CD80: variants seen among roughly 807,000 people sequenced by gnomAD.
CD80 encodes CD80 molecule, also known as T-lymphocyte activation antigen CD80.
A neutral mutation model predicts 27.1 loss-of-function variants in CD80; 13 were observed. That is an observed-to-expected ratio of 0.48 (90% CI 0.31 to 0.76). CD80 has a LOEUF of 0.76. CD80 is among the 30% of genes least tolerant of loss of function. The pLI is 0.04. For synonymous variants in CD80, 125 were observed against 125.5 expected (o/e 1.00, Z 0.03); for missense variants, 277 against 347.9 (o/e 0.80, Z 1.62).
chr3:119,540,507 CACTT>C (rs1001875530), intron 3 of CD80, among the ~76,000 whole-genome samples: 4 of 152,056 alleles, frequency 2.6e-5, no homozygotes, highest in African/African-American at 9.7e-5. Flanking sequence ...GTTCCTGAGC[CACTT>C]TTAGTTGGCA....
intron 3 of CD80, among the ~76,000 whole-genome samples, chr3:119,543,201 A>C (rs912254442): frequency 2.0e-5 from 3 of 152,214 alleles, no homozygotes; most frequent in Admixed American, 6.5e-5. Flanking sequence ...CTCTATTGCA[A>C]TTCCCCTGTC....
chr3:119,557,369 T>A (rs1192743569), intron 2 of CD80, among the ~76,000 whole-genome samples: 2 of 152,184 alleles, frequency 1.3e-5, no homozygotes, highest in Non-Finnish European at 2.9e-5. Context: ...TATGGTTTTG[T>A]TAAAATAACA....
Position 119,527,850 on chromosome 3 carries a change from C to G in CD80, c.797-9G>C. On this transcript the variant is annotated splice_polypyrimidine_tract_variant and intron_variant, in intron 5 of 6. Coordinates refer to ENST00000264246, the MANE Select transcript of CD80 (RefSeq NM_005191.4). ...GCATCTTGGGGCAAAGCCTTGGAGA[C>G]AAGAACAAACAATAAAAATGATAAG... 1 of 1,608,374 alleles carries G rather than the reference C, an allele frequency of 6.2e-7. No individual in the cohort carries two copies. The highest frequency in any genetic ancestry group is 8.5e-7 in the Non-Finnish European group (1 of 1,174,908).
chr3:119,545,269 A>G (rs2082195304), intron 2 of CD80, among the ~76,000 whole-genome samples: 1 of 152,238 alleles, frequency 6.6e-6, no homozygotes, highest in Non-Finnish European at 1.5e-5. Context: ...ACTTGAACCC[A>G]GGAGGCGGAG....
At chr3:119,542,888 C>A (rs915901877) in intron 3 of CD80, among the ~76,000 whole-genome samples, 2 of 152,216 alleles carry the variant, frequency 1.3e-5, no homozygotes, top group African/African-American at 4.8e-5. Flanking sequence ...CTGACCCTCC[C>A]TAAACTGCTC....
intron 2 of CD80, among the ~76,000 whole-genome samples, chr3:119,549,465 G>A (rs558990598): frequency 6.6e-6 from 1 of 152,246 alleles, no homozygotes; most frequent in East Asian, 1.9e-4. Flanking sequence ...AGCGCCCCCT[G>A]CCCAGTGCTG....
rs537423664 is a variant in CD80, at chr3:119,532,825, C to T, written c.701-2888G>A. Among the ~76,000 whole-genome samples, 33 of 152,284 alleles carry T rather than the reference C, an allele frequency of 2.2e-4. No individual in the cohort carries two copies. The East Asian group carries it at 4.0e-3, about 19-fold the overall frequency. ...ATCTCCCACCTAGTAGCCTGCAAACCGGTCTCTTTGCCTCAGGTTTCCTAG... is the reference window on the plus strand; with the variant it reads ...ATCTCCCACCTAGTAGCCTGCAAACTGGTCTCTTTGCCTCAGGTTTCCTAG... On this transcript the variant is annotated intron_variant, in intron 4 of 6. Transcript: ENST00000264246.
At chr3:119,543,392 TCTAA>T (rs777410209) in intron 3 of CD80, among the ~76,000 whole-genome samples, 124 of 147,820 alleles carry the variant, frequency 8.4e-4, no homozygotes, top group Non-Finnish European at 1.2e-3. Flanking sequence ...CATCCAATTC[TCTAA>T]CTTTTTTTTT....
intron 4 of CD80, among the ~76,000 whole-genome samples, chr3:119,536,637 C>T (rs527446295): frequency 6.6e-6 from 1 of 152,318 alleles, no homozygotes; most frequent in South Asian, 2.1e-4. Context: ...TGTGCCCAGT[C>T]TCACAGTGAC....
chr3:119,531,408 G>A (rs2082110391), intron 4 of CD80, among the ~76,000 whole-genome samples: 1 of 152,228 alleles, frequency 6.6e-6, no homozygotes, highest in African/African-American at 2.4e-5. Context: ...TGTTAAGCGT[G>A]CCAGCACCCT....
chr3:119,544,486 C>G, intron 3 of CD80, 64 bp downstream of exon 3: 2 of 1,404,378 alleles, frequency 1.4e-6, no homozygotes, highest in Non-Finnish European at 9.9e-7. Context: ...AAATCAATAG[C>G]CATGTGTCTT....
chr3:119,527,875 G>A (rs1463301749), intron 5 of CD80, 34 bp from the exon 6 acceptor site: 20 of 1,574,684 alleles, frequency 1.3e-5, no homozygotes, highest in Non-Finnish European at 1.7e-5. Context: ...AAAATGATAA[G>A]TAAGTTTCCC....
intron 3 of CD80, among the ~76,000 whole-genome samples, chr3:119,541,690 C>T (rs2082169332): frequency 6.6e-6 from 1 of 152,218 alleles, no homozygotes; most frequent in Non-Finnish European, 1.5e-5. Flanking sequence ...CCTCAAATGA[C>T]TCATAGGCTT....
At chr3:119,528,493 T>C (rs1276250769) in intron 5 of CD80, among the ~76,000 whole-genome samples, 2 of 152,224 alleles carry the variant, frequency 1.3e-5, no homozygotes, top group African/African-American at 2.4e-5. Context: ...GGGCAGCATA[T>C]GTCTAACACC....
chr3:119,525,746 G>A lies in CD80; in HGVS notation c.*42C>T, dbSNP rs57271503. On this transcript the variant is annotated 3_prime_UTR_variant, in exon 7 of 7. Transcript: ENST00000264246. ...AAGAGGTCAATTGCAAATGGAGGTG[G>A]GACCTGAGAAAACAAAGAAATGATT... is the stretch of plus-strand genomic sequence containing the variant. 0.19 allele frequency: 28,093 copies of A among 151,852 alleles called. 2,706 individuals carry two copies. Among genetic ancestry groups the A allele is most frequent in the East Asian group, 0.33 (1,700 of 5,160 alleles). The allele number at this position is 151,852 out of a possible 1,614,324, so 9.4% of individuals were successfully genotyped here. A position where few individuals can be genotyped will look rare whatever the true frequency, so the allele number is the denominator to read the frequency against.
Position 119,524,809 on chromosome 3 carries a change from AAGACCC to A in CD80, c.*973_*978del, listed in dbSNP as rs1274304049. 6.6e-6 allele frequency: 1 copy of A among 152,194 alleles called. No homozygotes were observed. Among genetic ancestry groups the A allele is most frequent in the Non-Finnish European group, 1.5e-5 (1 of 68,030 alleles). 9.4% of individuals were successfully genotyped at this position (152,194 alleles called of 1,614,324 possible). Reference sequence around the variant, plus strand: ...TTTCCAGTTCTCTGCTGATGTCAGAAAGACCCAGAAATACCAAGGAGAAAAAGCCAT... The same window carrying A: ...TTTCCAGTTCTCTGCTGATGTCAGAAAGAAATACCAAGGAGAAAAAGCCAT... On this transcript the variant is annotated 3_prime_UTR_variant, in exon 7 of 7. Coordinates refer to ENST00000264246, the MANE Select transcript of CD80 (RefSeq NM_005191.4).
intron 2 of CD80, among the ~76,000 whole-genome samples, chr3:119,545,152 G>A (rs1009673685): frequency 6.6e-5 from 10 of 152,056 alleles, no homozygotes; most frequent in East Asian, 1.9e-4. Context: ...GAGACCAGCC[G>A]GGCCAACATG....
chr3:119,550,120 C>T (rs1284691441), intron 2 of CD80, among the ~76,000 whole-genome samples: 2 of 152,172 alleles, frequency 1.3e-5, no homozygotes, highest in Non-Finnish European at 2.9e-5. Context: ...TTCTTTCTCC[C>T]TCCTCCCACT....
At position 119,544,827 on chromosome 3, in the gene CD80, C is replaced by A. The variant is rs777859790; in HGVS notation, c.141G>T (p.Thr47=). 1.2e-6 allele frequency: 2 copies of A among 1,614,038 alleles called. No homozygotes were observed. Among genetic ancestry groups the A allele is most frequent in the East Asian group, 4.5e-5 (2 of 44,890 alleles). ...CAGAAACATTGTGACCACAGGACAGCGTTGCCACTTCTTTCACTTCCTTGG... is the reference window on the plus strand; with the variant it reads ...CAGAAACATTGTGACCACAGGACAGAGTTGCCACTTCTTTCACTTCCTTGG... ...HVTKEVKEVA[T]LSCGHNVSVE... The change falls in exon 3 of 7, where the codon ACG becomes ACT. Residue 47 remains threonine (T), a synonymous_variant. Coordinates refer to ENST00000264246, the MANE Select transcript of CD80 (RefSeq NM_005191.4).
Sources: gnomAD v4.1 joint callset for allele counts (sites outside exome capture counted in the v4.1 genomes callset) on GRCh38, gnomAD v4.1.1 for gene constraint, MANE v1.5 for transcripts, NCBI Gene and HGNC (gene_info 2026-07-23, HGNC 2026-07-21) for gene names.